CEP85L: variants seen among roughly 807,000 people sequenced by gnomAD.
CEP85L encodes centrosomal protein of 85 kDa-like.
Under a neutral mutation model 100.3 loss-of-function variants are expected in CEP85L, and 60 were observed. The ratio of observed to expected loss-of-function variants is 0.60; its 90% CI spans 0.49 to 0.74. The LOEUF (loss-of-function observed/expected upper bound fraction) is 0.74. CEP85L is among the 30% of genes least tolerant of loss of function. CEP85L has a pLI of 0.00. For synonymous variants in CEP85L, 319 were observed against 322.7 expected (o/e 0.99, Z 0.12); for missense variants, 973 against 936.2 (o/e 1.04, Z -0.51).
intron 1 of CEP85L, among the ~76,000 whole-genome samples, chr6:118,695,198 A>C (rs1777167359): frequency 6.6e-6 from 1 of 152,242 alleles, no homozygotes; most frequent in Admixed American, 6.5e-5. Context: ...TCAGCTTCTT[A>C]TTCAATGGAA....
At chr6:118,569,342 A>T (rs1329429927) in intron 2 of CEP85L, among the ~76,000 whole-genome samples, 1 of 11,182 alleles carries the variant, frequency 8.9e-5, no homozygotes, top group Non-Finnish European at 4.6e-4. Flanking sequence ...ACTCTGTCTC[A>T]AAAAAAAAAA....
rs1186148922 is a variant in CEP85L, at chr6:118,613,771, A to AAAAAAAT, written c.232+18681_232+18682insATTTTTT. ...AATCTGTGTCTCAAAAAAAAAAAAA[A>AAAAAAAT]AATTCTGGGCCCAGAGTGTTTCACT... On this transcript the variant is annotated intron_variant, in intron 2 of 12. Coordinates refer to ENST00000368491, the MANE Select transcript of CEP85L (RefSeq NM_001042475.3). Among the ~76,000 whole-genome samples the AAAAAAAT allele has an allele frequency of 5.3e-5, 8 of 151,520 alleles. No homozygotes were observed. In the East Asian group the frequency reaches 1.5e-3, roughly 29 times the overall value.
chr6:118,600,301 GTGTGTGT>G (rs1484030742), intron 2 of CEP85L, among the ~76,000 whole-genome samples: 549 of 30,422 alleles, frequency 0.018, 104 homozygotes, highest in Non-Finnish European at 0.024. Flanking sequence ...CTTCCTGGGG[GTGTGTGT>G]GTGTGTGTGT....
intron 3 of CEP85L, among the ~76,000 whole-genome samples, chr6:118,534,391 AC>A (rs1326830404): frequency 1.3e-5 from 2 of 152,000 alleles, no homozygotes; most frequent in African/African-American, 4.8e-5. Flanking sequence ...GGTGGCTCAC[AC>A]CTGTAATCCC....
At chr6:118,504,290 G>A (rs1424431488) in intron 5 of CEP85L, among the ~76,000 whole-genome samples, 1 of 151,752 alleles carries the variant, frequency 6.6e-6, no homozygotes, top group Non-Finnish European at 1.5e-5. Context: ...CAGGAAAATC[G>A]CTTGAACCCA....
At chr6:118,672,635 A>G (rs923784726) in intron 1 of CEP85L, among the ~76,000 whole-genome samples, 2 of 152,070 alleles carry the variant, frequency 1.3e-5, no homozygotes, top group Admixed American at 1.3e-4. Context: ...GCATGGTGGC[A>G]CACACCTGTA....
At chr6:118,512,970 A>T (rs1024674850) in intron 4 of CEP85L, among the ~76,000 whole-genome samples, 1 of 152,230 alleles carries the variant, frequency 6.6e-6, no homozygotes, top group African/African-American at 2.4e-5. Flanking sequence ...AAGGATAGTA[A>T]ATCAGTTATT....
intron 3 of CEP85L, among the ~76,000 whole-genome samples, chr6:118,546,075 A>G (rs971678402): frequency 6.6e-6 from 1 of 152,142 alleles, no homozygotes; most frequent in African/African-American, 2.4e-5. Flanking sequence ...TAATACTCCT[A>G]TTAAACAACT....
At chr6:118,634,918 C>T (rs941935100) in intron 1 of CEP85L, among the ~76,000 whole-genome samples, 3 of 151,742 alleles carry the variant, frequency 2.0e-5, no homozygotes, top group African/African-American at 4.8e-5. Context: ...ATATAAGAAA[C>T]GATGCCAAAT....
chr6:118,617,827 G>T (rs1187324140), intron 2 of CEP85L, among the ~76,000 whole-genome samples: 1 of 152,132 alleles, frequency 6.6e-6, no homozygotes, highest in Non-Finnish European at 1.5e-5. Flanking sequence ...GAGACTCCAG[G>T]AAGAGCATCC....
intron 3 of CEP85L, among the ~76,000 whole-genome samples, chr6:118,555,951 T>C (rs960071412): frequency 6.6e-6 from 1 of 152,208 alleles, no homozygotes; most frequent in African/African-American, 2.4e-5. Context: ...GACCTCCAGC[T>C]CCATCCATGT....
chr6:118,502,295 A>G (rs781299755), intron 5 of CEP85L: 20 of 530,136 alleles, frequency 3.8e-5, no homozygotes, highest in Non-Finnish European at 6.3e-5. Context: ...TATGCAATCT[A>G]TGGGGGAAGA....
chr6:118,479,294 T>C (rs1582873589), intron 10 of CEP85L, among the ~76,000 whole-genome samples: 1 of 152,028 alleles, frequency 6.6e-6, no homozygotes, highest in Non-Finnish European at 1.5e-5. Flanking sequence ...ATTAGGGGTA[T>C]AAAGCTAAAC....
At chr6:118,622,658 A>T (rs1390027547) in intron 2 of CEP85L, among the ~76,000 whole-genome samples, 1 of 152,258 alleles carries the variant, frequency 6.6e-6, no homozygotes, top group Non-Finnish European at 1.5e-5. Context: ...AGATATGCTT[A>T]TCTAGTTCTA....
chr6:118,470,551 T>C lies in CEP85L; in HGVS notation c.2008A>G (p.Lys670Glu), dbSNP rs778821044. 2.6e-5 allele frequency: 41 copies of C among 1,587,908 alleles called. No individual in the cohort carries two copies. The highest frequency in any genetic ancestry group is 3.5e-5 in the Non-Finnish European group (41 of 1,167,028). The change falls in exon 11 of 13, where the codon AAA becomes GAA. Residue 670 changes from lysine to glutamate, a missense_variant. Around this residue, in one of 3 missense-constraint regions of CEP85L, gnomAD observed 890 missense variants for 844.5 expected, o/e 1.05. Transcript: ENST00000368491. ...KKERNVQRLT[K>E]ALLENQRQTD... is the part of the protein sequence containing the mutation. ...CTTCTACTCACTTCAAGCAATGCTTTTGTTAATCTCTGTACATTTCTTTCT... is the reference window on the plus strand; with the variant it reads ...CTTCTACTCACTTCAAGCAATGCTTCTGTTAATCTCTGTACATTTCTTTCT...
At chr6:118,533,643 G>A (rs1777418692) in intron 3 of CEP85L, among the ~76,000 whole-genome samples, 2 of 152,068 alleles carry the variant, frequency 1.3e-5, no homozygotes. Flanking sequence ...AGACAAGACA[G>A]TAGGAAAAAA....
At chr6:118,563,706 C>A (rs148762312) in intron 3 of CEP85L, among the ~76,000 whole-genome samples, 1 of 152,178 alleles carries the variant, frequency 6.6e-6, no homozygotes, top group Non-Finnish European at 1.5e-5. Context: ...CTGCCTTGGC[C>A]TCCCAAATTG....
Position 118,478,308 on chromosome 6 carries a change from G to A in CEP85L, c.1914+1563C>T, listed in dbSNP as rs144498970. Among the ~76,000 whole-genome samples, 352 of 152,126 alleles carry A rather than the reference G, an allele frequency of 2.3e-3. 6 individuals are homozygous for A. In the South Asian group the frequency reaches 0.025, roughly 11 times the overall value. ...AACAAAATTTGTCTTTTTAAATGAT[G>A]AGGGGCCAAAAAATAACATGAGTTT... On this transcript the variant is annotated intron_variant, in intron 10 of 12. Coordinates refer to ENST00000368491, the MANE Select transcript of CEP85L (RefSeq NM_001042475.3).
intron 1 of CEP85L, among the ~76,000 whole-genome samples, chr6:118,658,923 A>G (rs1775881956): frequency 6.6e-6 from 1 of 152,172 alleles, no homozygotes. Flanking sequence ...TTTGCGGCAT[A>G]AACAAGGTAT....
Sources: gnomAD v4.1 joint callset for allele counts (sites outside exome capture counted in the v4.1 genomes callset) on GRCh38, gnomAD v4.1.1 for gene constraint, gnomAD v4.1.1 regional missense constraint, MANE v1.5 for transcripts, NCBI Gene and HGNC (gene_info 2026-07-23, HGNC 2026-07-21) for gene names.